Variants in IMPG1 observed in about 807,000 individuals in gnomAD.
IMPG1 encodes interphotoreceptor matrix proteoglycan of 150 kDa.
A neutral mutation model predicts 92.0 loss-of-function variants in IMPG1; 85 were observed. The ratio of observed to expected loss-of-function variants is 0.92; its 90% CI spans 0.78 to 1.11. IMPG1 has a LOEUF of 1.11. Among genes scored for constraint, IMPG1 ranks in the 50% least tolerant of loss-of-function variants. The probability of loss-of-function intolerance (pLI) is 0.00; values close to 1 mark genes in which losing one functional copy is unlikely to be tolerated. For synonymous variants in IMPG1, 367 were observed against 334.1 expected (o/e 1.10, Z -1.08); for missense variants, 1,022 against 956.0 (o/e 1.07, Z -0.91).
At chr6:75,992,045 G>A (rs911057023) in intron 12 of IMPG1, among the ~76,000 whole-genome samples, 2 of 152,330 alleles carry the variant, frequency 1.3e-5, no homozygotes, top group South Asian at 4.1e-4. Context: ...TCTGAGTAAA[G>A]CAGATTACCC....
At chr6:76,033,448 C>T (rs1346569283) in intron 4 of IMPG1, among the ~76,000 whole-genome samples, 1 of 152,120 alleles carries the variant, frequency 6.6e-6, no homozygotes, top group Non-Finnish European at 1.5e-5. Flanking sequence ...AGCCATTGAA[C>T]AAGACTCAAT....
chr6:75,945,224 T>G (rs1158307729), intron 14 of IMPG1, among the ~76,000 whole-genome samples: 2 of 152,252 alleles, frequency 1.3e-5, no homozygotes, highest in East Asian at 3.8e-4. Flanking sequence ...TATGACAATG[T>G]TGCAATAGTA....
intron 1 of IMPG1, among the ~76,000 whole-genome samples, chr6:76,043,432 C>A (rs763706710): frequency 1.3e-5 from 2 of 152,042 alleles, no homozygotes; most frequent in African/African-American, 4.8e-5. Context: ...GGAGAAAGTC[C>A]GCCTGGGAAC....
chr6:75,931,890 CCT>C (rs1007064341), intron 14 of IMPG1, among the ~76,000 whole-genome samples: 3 of 152,160 alleles, frequency 2.0e-5, no homozygotes, highest in Non-Finnish European at 4.4e-5. Context: ...GCCAGTGGCC[CCT>C]GTTTGCCCTT....
At chr6:75,996,045 T>C (rs114664325) in intron 12 of IMPG1, among the ~76,000 whole-genome samples, 343 of 152,334 alleles carry the variant, frequency 2.3e-3, no homozygotes, top group African/African-American at 8.0e-3. Flanking sequence ...AGGTAATTCA[T>C]TGAAGTCCTT....
chr6:76,034,723 T>G lies in IMPG1; in HGVS notation c.366A>C (p.Glu122Asp), dbSNP rs1187822123. 3.7e-6 allele frequency: 6 copies of G among 1,613,824 alleles called. No individual in the cohort carries two copies. The African/African-American group carries it at 6.7e-5, about 18-fold the overall frequency. ...IFLDRIPDTG[E>D]YQDWVSICQQ... The stretch of plus-strand genomic sequence containing the variant: ...GGCAGATGCTGACCCAGTCCTGATA[T>G]TCCCCTGTGTCAGGGATGCGATCCA... The change falls in exon 3 of 17, where the codon GAA becomes GAC. Residue 122 changes from glutamate (E) to aspartate (D), a missense_variant. This residue lies in a region of IMPG1 where 681 missense variants were observed against 583.6 expected (regional missense o/e 1.17). Coordinates refer to ENST00000369950, the MANE Select transcript of IMPG1 (RefSeq NM_001563.4).
chr6:75,937,417 A>G (rs1781763790), intron 14 of IMPG1, among the ~76,000 whole-genome samples: 1 of 152,190 alleles, frequency 6.6e-6, no homozygotes, highest in Non-Finnish European at 1.5e-5. Context: ...CCCAGTTAGA[A>G]GGGCTTATAA....
chr6:76,061,475 T>C (rs1045439380), intron 1 of IMPG1, among the ~76,000 whole-genome samples: 2 of 152,198 alleles, frequency 1.3e-5, no homozygotes, highest in Admixed American at 1.3e-4. Flanking sequence ...ACCTTTTGTG[T>C]AATTTCATGA....
chr6:75,989,435 C>G (rs1782777699), intron 12 of IMPG1, among the ~76,000 whole-genome samples: 2 of 152,180 alleles, frequency 1.3e-5, no homozygotes, highest in South Asian at 4.1e-4. Flanking sequence ...TAAAGTCTGA[C>G]AAAATTATTG....
chr6:76,034,581 C>G (rs2274348), intron 3 of IMPG1, 40 bp downstream of exon 3: 14 of 1,602,884 alleles, frequency 8.7e-6, no homozygotes, highest in Non-Finnish European at 1.2e-5. Flanking sequence ...GGGAACTGTT[C>G]GTGCAGTGTT....
intron 1 of IMPG1, among the ~76,000 whole-genome samples, chr6:76,056,313 A>G (rs1582134311): frequency 6.6e-6 from 1 of 152,116 alleles, no homozygotes; most frequent in African/African-American, 2.4e-5. Flanking sequence ...AGAATTAGAA[A>G]TTTTCTTTAC....
intron 12 of IMPG1, among the ~76,000 whole-genome samples, chr6:75,973,231 C>T (rs557476152): frequency 3.8e-5 from 5 of 132,332 alleles, no homozygotes; most frequent in South Asian, 2.8e-4. Context: ...CCTTCCACTT[C>T]GGCCTCCCAA....
At chr6:75,943,640 G>A (rs1031464230) in intron 14 of IMPG1, among the ~76,000 whole-genome samples, 1 of 152,220 alleles carries the variant, frequency 6.6e-6, no homozygotes, top group Non-Finnish European at 1.5e-5. Flanking sequence ...AAGACAGCTG[G>A]TATTCCATCT....
At chr6:76,050,726 C>T (rs550614737) in intron 1 of IMPG1, among the ~76,000 whole-genome samples, 317 of 152,272 alleles carry the variant, frequency 2.1e-3, no homozygotes, top group African/African-American at 7.3e-3. Context: ...TCTTTCTTGG[C>T]TACATATTCA....
intron 1 of IMPG1, among the ~76,000 whole-genome samples, chr6:76,048,659 C>T (rs912489017): frequency 2.0e-5 from 3 of 152,198 alleles, no homozygotes; most frequent in South Asian, 4.1e-4. Context: ...AGCACACAAA[C>T]ACGCTATTAT....
Position 75,947,353 on chromosome 6 carries a change from G to T in IMPG1, c.2005C>A (p.His669Asn), listed in dbSNP as rs940063319. The T allele has an allele frequency of 3.1e-6, 5 of 1,613,906 alleles. No individual in the cohort carries two copies. The highest frequency in any genetic ancestry group is 2.5e-6 in the Non-Finnish European group (3 of 1,179,844). Residue 669 changes from histidine to asparagine, a missense_variant, in exon 14 of 17, where the codon CAT becomes AAT. This residue lies in a region of IMPG1 where 332 missense variants were observed against 346.2 expected (regional missense o/e 0.96). Transcript: ENST00000369950. ...AGAGAGTAGCTGTCTATTTCCAGAT[G>T]GAGTTGTTGGGCTGCAGCAGAACGA... Reference protein sequence around the residue: ...DFRSAAAQQLHLEIDSYSLNI... With the variant: ...DFRSAAAQQLNLEIDSYSLNI...
Position 76,034,783 on chromosome 6 carries a change from A to G in IMPG1, c.306T>C (p.Cys102=). The change falls in exon 3 of 17, where the codon TGT becomes TGC. Residue 102 remains cysteine (C), a synonymous_variant. Transcript: ENST00000369950. ...GATATGCTTCCCATACTGCTTCCTG[A>G]CACACTGTAATACAGAGTCATTAAT... ...SLQAYYRLRV[C]QEAVWEAYRI... 1 of 1,613,920 alleles carries G rather than the reference A, an allele frequency of 6.2e-7. No homozygotes were observed. The highest frequency in any genetic ancestry group is 8.5e-7 in the Non-Finnish European group (1 of 1,179,888).
chr6:75,998,739 C>T (rs1186200032), intron 12 of IMPG1, among the ~76,000 whole-genome samples: 5 of 152,152 alleles, frequency 3.3e-5, no homozygotes, highest in African/African-American at 1.2e-4. Flanking sequence ...TAAACCAAAC[C>T]AAACCACAAA....
chr6:75,962,325 C>T lies in IMPG1; in HGVS notation c.1292-11231G>A, dbSNP rs56693234. ...TTTTTATGTAGAAATGGGGGTCTCT[C>T]GATGTTACCCAGGCTGGTCTCAAAC... On this transcript the variant is annotated intron_variant, in intron 12 of 16. Coordinates refer to ENST00000369950, the MANE Select transcript of IMPG1 (RefSeq NM_001563.4). Among the ~76,000 whole-genome samples the T allele has an allele frequency of 4.5e-3, 679 of 152,018 alleles. 8 individuals carry two copies. The highest frequency in any genetic ancestry group is 0.016 in the African/African-American group (652 of 41,440).
Sources: allele counts gnomAD v4.1 joint callset (sites outside exome capture counted in the v4.1 genomes callset), GRCh38; gene constraint gnomAD v4.1.1; regional missense constraint gnomAD v4.1.1; transcripts MANE v1.5; gene names NCBI Gene and HGNC (gene_info 2026-07-23, HGNC 2026-07-21).